Variants in CAPN8 observed in about 807,000 individuals in gnomAD.
CAPN8 encodes calpain 8.
A neutral mutation model predicts 80.9 loss-of-function variants in CAPN8; 87 were observed. The observed-to-expected ratio is 1.07, with a 90% CI of 0.90 to 1.28. The LOEUF is 1.28. Ranked by LOEUF, CAPN8 falls within the 50% of genes most tolerant of loss-of-function variation. CAPN8 has a pLI of 0.00. For missense variants in CAPN8, 757 were observed against 702.0 expected (o/e 1.08, Z -0.89); for synonymous variants, 299 against 273.8 (o/e 1.09, Z -0.91).
rs765168274 is a variant in CAPN8, at chr1:223,543,282, C to T, written c.2030-116G>A. The T allele has an allele frequency of 7.3e-5, 88 of 1,210,942 alleles. No individual in the cohort carries two copies. In the African/African-American group the frequency reaches 1.1e-3, roughly 15 times the overall value. 75.0% of individuals were successfully genotyped at this position (1,210,942 alleles called of 1,614,324 possible). A position where few individuals can be genotyped will look rare whatever the true frequency, so the allele number is the denominator to read the frequency against. ...CCTGCGGAACTCTCCTTTCCCCTAC[C>T]ACCCCCTCCCCTCCAGCCCCCACCT... On this transcript the variant is annotated intron_variant, in intron 19 of 20. Transcript: ENST00000366872.
At chr1:223,632,529 T>G (rs1247574612) in intron 2 of CAPN8, among the ~76,000 whole-genome samples, 1 of 151,892 alleles carries the variant, frequency 6.6e-6, no homozygotes, top group East Asian at 1.9e-4. Context: ...TGTGCCACCA[T>G]GCCGAGCTAT....
chr1:223,553,008 T>C (rs1656830245), intron 14 of CAPN8, among the ~76,000 whole-genome samples: 1 of 152,208 alleles, frequency 6.6e-6, no homozygotes, highest in South Asian at 2.1e-4. Flanking sequence ...CCAGGTTTTA[T>C]TTCCTGCAAG....
At position 223,549,546 on chromosome 1, in the gene CAPN8, G is replaced by C. The variant is rs180991144; in HGVS notation, c.1700-164C>G. 2.9e-6 allele frequency: 3 copies of C among 1,035,160 alleles called. No homozygotes were observed. In the Admixed American group the frequency reaches 6.0e-5, roughly 21 times the overall value. 64.1% of individuals were successfully genotyped at this position (1,035,160 alleles called of 1,614,324 possible). A position where few individuals can be genotyped will look rare whatever the true frequency, so the allele number is the denominator to read the frequency against. On this transcript the variant is annotated intron_variant, in intron 15 of 20. Coordinates refer to ENST00000366872, the MANE Select transcript of CAPN8 (RefSeq NM_001143962.2). The stretch of plus-strand genomic sequence containing the variant: ...TCATGGCAGGCTTGTGGGCAGATAC[G>C]CCTGAGCCTCCTGGTGCCGTGGGAG...
chr1:223,625,703 C>T (rs994230508), intron 6 of CAPN8, 102 bp downstream of exon 6: 12 of 1,065,462 alleles, frequency 1.1e-5, no homozygotes, highest in Admixed American at 4.1e-5. Context: ...AAGCCAATTC[C>T]GAACCTTCTA....
intron 9 of CAPN8, chr1:223,618,323 G>T (rs1233692688): frequency 1.7e-5 from 27 of 1,549,674 alleles, no homozygotes; most frequent in East Asian, 7.3e-5. Context: ...AGCCAGGAAA[G>T]CTTCCCACCT....
At chr1:223,556,009 T>C (rs1396799860) in intron 13 of CAPN8, among the ~76,000 whole-genome samples, 3 of 152,250 alleles carry the variant, frequency 2.0e-5, no homozygotes, top group African/African-American at 7.2e-5. Context: ...GCAAATGGTA[T>C]GGCAGCATGG....
At chr1:223,556,973 AC>A (rs1656919333) in intron 13 of CAPN8, among the ~76,000 whole-genome samples, 2 of 152,160 alleles carry the variant, frequency 1.3e-5, no homozygotes, top group Non-Finnish European at 2.9e-5. Context: ...AGCTCAGATC[AC>A]CAAGAGTCAC....
intron 1 of CAPN8, among the ~76,000 whole-genome samples, chr1:223,656,681 G>GTTTTTTTT (rs1216588980): frequency 1.2e-5 from 1 of 85,036 alleles, no homozygotes; most frequent in Non-Finnish European, 2.5e-5. Flanking sequence ...TTTTTGTTTT[G>GTTTTTTTT]TTTTTTTTTT....
chr1:223,620,170 C>A, intron 8 of CAPN8, 22 bp downstream of exon 8: 1 of 1,550,072 alleles, frequency 6.5e-7, no homozygotes, highest in Non-Finnish European at 8.7e-7. Flanking sequence ...TGGGACAGCG[C>A]TTCAGCAGAA....
At chr1:223,553,702 TG>T (rs1158644883) in intron 14 of CAPN8, 129 bp downstream of exon 14, 10 of 397,482 alleles carry the variant, frequency 2.5e-5, no homozygotes, top group Non-Finnish European at 4.0e-5. Context: ...GCACAGAAGC[TG>T]GGGGCCCCTG....
rs1295157464 is a variant in CAPN8, at chr1:223,665,666, T to A, written c.-20A>T. On this transcript the variant is annotated 5_prime_UTR_variant, in exon 1 of 21. Coordinates refer to ENST00000366872, the MANE Select transcript of CAPN8 (RefSeq NM_001143962.2). Reference sequence around the variant, plus strand: ...TGCCATGGCCGTGGGCTCTGTAGGGTGGACAGAAGGGCAGGGCTGCACTGT... The same window carrying A: ...TGCCATGGCCGTGGGCTCTGTAGGGAGGACAGAAGGGCAGGGCTGCACTGT... 1.9e-6 allele frequency: 3 copies of A among 1,540,564 alleles called. No homozygotes were observed. The highest frequency in any genetic ancestry group is 2.6e-6 in the Non-Finnish European group (3 of 1,138,140).
intron 10 of CAPN8, 38 bp from the exon 11 acceptor site, chr1:223,612,295 T>C: frequency 8.1e-7 from 1 of 1,233,998 alleles, no homozygotes; most frequent in Non-Finnish European, 1.0e-6. Flanking sequence ...ACCTGAGAGC[T>C]CCAAGGTCCT....
At chr1:223,552,109 AT>A (rs1656802499) in intron 14 of CAPN8, among the ~76,000 whole-genome samples, 1 of 152,184 alleles carries the variant, frequency 6.6e-6, no homozygotes, top group Non-Finnish European at 1.5e-5. Context: ...CTTATTCATC[AT>A]GTGACTTTAG....
At position 223,610,967 on chromosome 1, in the gene CAPN8, A is replaced by G. The variant is rs115862129; in HGVS notation, c.1323+1279T>C. On this transcript the variant is annotated intron_variant, in intron 11 of 20. Transcript: ENST00000366872. The stretch of plus-strand genomic sequence containing the variant: ...AGGGCCCAAAAATCTGTGCTTCAAC[A>G]CGCCCTCTAGGGGATTCAGAAGCAC... 4.7e-3 allele frequency among the ~76,000 whole-genome samples: 718 copies of G among 152,268 alleles called. 6 individuals carry two copies. The highest frequency in any genetic ancestry group is 0.016 in the African/African-American group (653 of 41,520).
At chr1:223,548,264 A>T (rs190025969) in intron 16 of CAPN8, among the ~76,000 whole-genome samples, 9 of 152,340 alleles carry the variant, frequency 5.9e-5, no homozygotes, top group African/African-American at 2.2e-4. Flanking sequence ...CAGCACTGTG[A>T]TAAATGGCAA....
chr1:223,644,410 C>A (rs1267155021), intron 2 of CAPN8: 1 of 161,726 alleles, frequency 6.2e-6, no homozygotes, highest in Admixed American at 6.5e-5. Flanking sequence ...TTTCTGATTT[C>A]TTATAAAAAC....
chr1:223,663,963 G>GGTGCCCAGGC (rs1658719167), intron 1 of CAPN8, among the ~76,000 whole-genome samples: 1 of 152,206 alleles, frequency 6.6e-6, no homozygotes, highest in Non-Finnish European at 1.5e-5. Context: ...TGGTTTAGAA[G>GGTGCCCAGGC]ACAAAAGGTG....
chr1:223,542,516 C>A (rs1289908037), intron 20 of CAPN8, among the ~76,000 whole-genome samples: 1 of 152,166 alleles, frequency 6.6e-6, no homozygotes, highest in Non-Finnish European at 1.5e-5. Context: ...ACCTGGCCCT[C>A]TAGTTCCACC....
At chr1:223,622,728 G>A in intron 7 of CAPN8, 87 bp downstream of exon 7, 1 of 1,014,502 alleles carries the variant, frequency 9.9e-7, no homozygotes, top group Non-Finnish European at 1.5e-6. Context: ...TGAACTCACT[G>A]TGACATCGAT....
Sources: allele counts gnomAD v4.1 joint callset (sites outside exome capture counted in the v4.1 genomes callset), GRCh38; gene constraint gnomAD v4.1.1; transcripts MANE v1.5; gene names NCBI Gene and HGNC (gene_info 2026-07-23, HGNC 2026-07-21).